ANKRD18B: variants seen among roughly 807,000 people sequenced by gnomAD.
ANKRD18B encodes ankyrin repeat domain 18B.
In ANKRD18B, 75 loss-of-function variants were observed where a neutral mutation model predicts 111.8. That is an observed-to-expected ratio of 0.67 (90% CI 0.56 to 0.81). The LOEUF (loss-of-function observed/expected upper bound fraction) is 0.81, where lower values mean the gene tolerates loss of function less well. Ranked by LOEUF, ANKRD18B falls within the 40% of genes least tolerant of loss-of-function variation. The probability of loss-of-function intolerance (pLI) is 0.00; values close to 1 mark genes in which losing one functional copy is unlikely to be tolerated. For synonymous variants in ANKRD18B, 356 were observed against 417.3 expected (o/e 0.85, Z 1.79); for missense variants, 1,038 against 1,225.5 (o/e 0.85, Z 2.28).
At chr9:33,568,920 G>T in intron 17 of ANKRD18B, 27 bp downstream of exon 17, 2 of 1,493,654 alleles carry the variant, frequency 1.3e-6, no homozygotes, top group East Asian at 2.5e-5. Context: ...TTTCTCTTTT[G>T]GGTTTCATTT....
rs994686872 is a variant in ANKRD18B at position 33,540,131 on chromosome 9, C to G, written c.916C>G (p.Pro306Ala). The G allele has an allele frequency of 7.9e-5, 12 of 151,544 alleles. No individual in the cohort carries two copies. The highest frequency in any genetic ancestry group is 2.9e-4 in the African/African-American group (12 of 41,260). The allele number at this position is 151,544 out of a possible 1,614,324, so 9.4% of individuals were successfully genotyped here. A position where few individuals can be genotyped will look rare whatever the true frequency, so the allele number is the denominator to read the frequency against. ...VQWHDLRLLQ[P>A]SPPRFKQFSC... ...GTGGCATGATCTCAGATTACTGCAG[C>G]CTTCACCTCCCAGGTTCAAGCAATT... Residue 306 changes from proline to alanine, a missense_variant, in exon 8 of 19, where the codon CCT becomes GCT. Pro to Ala is a conservative substitution (Grantham distance 27). Transcript: ENST00000684830.
At chr9:33,549,062 G>A (rs1184688711) in intron 11 of ANKRD18B, among the ~76,000 whole-genome samples, 1 of 152,090 alleles carries the variant, frequency 6.6e-6, no homozygotes, top group East Asian at 1.9e-4. Context: ...GCTGGAAGCG[G>A]GTCGTGACTG....
chr9:33,547,022 A>C (rs542630195), intron 10 of ANKRD18B, among the ~76,000 whole-genome samples: 1 of 152,136 alleles, frequency 6.6e-6, no homozygotes, highest in African/African-American at 2.4e-5. Flanking sequence ...CCAAATGAAA[A>C]AATAAGGAGA....
At chr9:33,567,665 A>G (rs1322922319) in intron 16 of ANKRD18B, among the ~76,000 whole-genome samples, 1 of 152,180 alleles carries the variant, frequency 6.6e-6, no homozygotes, top group East Asian at 1.9e-4. Context: ...GGGAATATTA[A>G]TGAGTTTAAT....
chr9:33,531,972 T>G lies in ANKRD18B; in HGVS notation c.496-1467T>G, dbSNP rs535659872. Reference sequence around the variant, plus strand: ...AGTGACAGCTGGATGCGATGGCTCATGCTTGTAATCTCAGCACTTTGGGAG... The same window carrying G: ...AGTGACAGCTGGATGCGATGGCTCAGGCTTGTAATCTCAGCACTTTGGGAG... On this transcript the variant is annotated intron_variant, in intron 3 of 18. Coordinates refer to ENST00000684830, the MANE Select transcript of ANKRD18B (RefSeq NM_001393611.1). 2.6e-5 allele frequency among the ~76,000 whole-genome samples: 4 copies of G among 152,280 alleles called. No individual in the cohort carries two copies. The South Asian group carries it at 8.3e-4, about 32-fold the overall frequency.
intron 3 of ANKRD18B, among the ~76,000 whole-genome samples, chr9:33,531,882 G>A (rs867643891): frequency 1.3e-5 from 2 of 151,898 alleles, no homozygotes; most frequent in African/African-American, 4.8e-5. Context: ...CTGCTGAGAA[G>A]TGGATAGATT....
At chr9:33,556,054 A>G (rs1027996185) in intron 13 of ANKRD18B, among the ~76,000 whole-genome samples, 10 of 152,302 alleles carry the variant, frequency 6.6e-5, no homozygotes, top group Middle Eastern at 6.8e-3. Flanking sequence ...AAATTTCAGT[A>G]TAAAAACACA....
chr9:33,528,887 A>G, intron 2 of ANKRD18B, 46 bp downstream of exon 2: 2 of 1,564,592 alleles, frequency 1.3e-6, no homozygotes, highest in South Asian at 2.3e-5. Context: ...ATTTAAATAC[A>G]TAGAATTAAA....
In ANKRD18B at chr9:33,529,080, C is replaced by T; in HGVS notation, c.402C>T (p.Gly134=). The change falls in exon 3 of 19, where the codon GGC becomes GGT. Residue 134 remains glycine (G), a synonymous_variant. Coordinates refer to ENST00000684830, the MANE Select transcript of ANKRD18B (RefSeq NM_001393611.1). ...GANPNIKDIY[G]NTALHYAVYN... is the part of the protein sequence containing the mutation. ...ATCCAAACATTAAGGATATCTACGG[C>T]AACACTGCTCTCCATTATGCCGTGT... The T allele has an allele frequency of 8.1e-6, 13 of 1,612,118 alleles. No individual in the cohort carries two copies. Among genetic ancestry groups the T allele is most frequent in the Non-Finnish European group, 1.1e-5 (13 of 1,179,854 alleles).
chr9:33,575,163 T>C (rs202102232), downstream of ANKRD18B, among the ~76,000 whole-genome samples: 1,449 of 125,642 alleles, frequency 0.012, no homozygotes, highest in East Asian at 0.035. Context: ...TCATTCATCC[T>C]TGCAGCAATT....
At chr9:33,566,864 T>G in intron 15 of ANKRD18B, 1 of 456,478 alleles carries the variant, frequency 2.2e-6, no homozygotes, top group Non-Finnish European at 3.8e-6. Context: ...TCTATTACTT[T>G]TTATAGGACC....
chr9:33,565,812 C>T (rs1414378089), intron 14 of ANKRD18B, among the ~76,000 whole-genome samples: 1 of 152,074 alleles, frequency 6.6e-6, no homozygotes. Context: ...TTCTGGGAGC[C>T]ATTTATTGAC....
intron 1 of ANKRD18B, among the ~76,000 whole-genome samples, chr9:33,526,038 T>C (rs1423456367): frequency 6.6e-6 from 1 of 152,074 alleles, no homozygotes; most frequent in Admixed American, 6.6e-5. Flanking sequence ...AAAAAATCCT[T>C]AGTGTTTCTC....
At chr9:33,527,152 C>A (rs1828036025) in intron 1 of ANKRD18B, among the ~76,000 whole-genome samples, 1 of 152,090 alleles carries the variant, frequency 6.6e-6, no homozygotes. Context: ...TAAGAGATAA[C>A]CTTTAACTGC....
chr9:33,569,964 A>G (rs1828744932), intron 17 of ANKRD18B, among the ~76,000 whole-genome samples: 1 of 152,238 alleles, frequency 6.6e-6, no homozygotes, highest in African/African-American at 2.4e-5. Context: ...CCTAAAGGAA[A>G]ATAAATCATT....
At chr9:33,535,645 G>A (rs28571870) in intron 5 of ANKRD18B, among the ~76,000 whole-genome samples, 14,185 of 146,502 alleles carry the variant, frequency 0.097, 707 homozygotes, top group African/African-American at 0.11. Flanking sequence ...AGATTATATT[G>A]CATATAGATT....
Position 33,544,892 on chromosome 9 carries a change from A to G in ANKRD18B, c.1149+1637A>G, listed in dbSNP as rs187046539. 2.2e-3 allele frequency among the ~76,000 whole-genome samples: 332 copies of G among 152,312 alleles called. 1 individual carries two copies. The highest frequency in any genetic ancestry group is 4.3e-3 in the Non-Finnish European group (295 of 68,010). ...ACTGAAGATTGGTGAAAGTTTTGAAAAATCCAGAATTACTGTTTGTCCTGA... is the reference window on the plus strand; with the variant it reads ...ACTGAAGATTGGTGAAAGTTTTGAAGAATCCAGAATTACTGTTTGTCCTGA... On this transcript the variant is annotated intron_variant, in intron 10 of 18. Transcript: ENST00000684830.
chr9:33,567,358 A>C (rs1319607222), intron 16 of ANKRD18B, 44 bp downstream of exon 16: 2 of 1,495,974 alleles, frequency 1.3e-6, no homozygotes, highest in African/African-American at 2.8e-5. Context: ...TAAACTCATT[A>C]ATTTGTTTTG....
At chr9:33,543,336 A>G (rs1355000271) in intron 10 of ANKRD18B, 81 bp downstream of exon 10, 6 of 1,102,970 alleles carry the variant, frequency 5.4e-6, no homozygotes, top group Admixed American at 5.4e-5. Context: ...AAATGAAGTG[A>G]CCTTTTAGAC....
Sources: allele counts gnomAD v4.1 joint callset (sites outside exome capture counted in the v4.1 genomes callset), GRCh38; gene constraint gnomAD v4.1.1; transcripts MANE v1.5; gene names NCBI Gene and HGNC (gene_info 2026-07-23, HGNC 2026-07-21).